Variants in DCC observed in about 807,000 individuals in gnomAD.
DCC encodes the protein DCC netrin 1 receptor, also known as netrin receptor DCC.
DCC carries 58 observed loss-of-function variants against 172.5 expected under a neutral mutation model. That is an observed-to-expected ratio of 0.34 (90% confidence interval 0.27 to 0.42). The LOEUF (loss-of-function observed/expected upper bound fraction) is 0.42. Ranked by LOEUF, DCC falls within the 10% of genes least tolerant of loss-of-function variation. DCC has a pLI of 1.00. For missense variants in DCC, 1,740 were observed against 1,791.0 expected, an observed-to-expected ratio of 0.97 and a Z score of 0.51; for synonymous variants, 709 against 644.5, an observed-to-expected ratio of 1.10 and a Z score of -1.52.
chr18:52,607,713 C>G (rs2034166203), intron 1 of DCC, among the ~76,000 whole-genome samples: 1 of 152,146 alleles, frequency 6.6e-6, no homozygotes, highest in Non-Finnish European at 1.5e-5. Context: ...AAATATCCAT[C>G]TCTTAAGAAG....
At chr18:52,727,664 A>C (rs2036571562) in intron 1 of DCC, among the ~76,000 whole-genome samples, 2 of 152,208 alleles carry the variant, frequency 1.3e-5, no homozygotes, top group African/African-American at 4.8e-5. Context: ...TGCAAAATCC[A>C]GTGAATCAAA....
chr18:52,695,258 A>C (rs542770802), intron 1 of DCC, among the ~76,000 whole-genome samples: 4 of 152,200 alleles, frequency 2.6e-5, no homozygotes, highest in South Asian at 2.1e-4. Flanking sequence ...AAAAATAATT[A>C]CTTTGTATTA....
At chr18:53,254,633 C>A (rs1017728089) in intron 12 of DCC, among the ~76,000 whole-genome samples, 1 of 151,996 alleles carries the variant, frequency 6.6e-6, no homozygotes, top group African/African-American at 2.4e-5. Flanking sequence ...CCATCACACC[C>A]AGTTCTATTC....
chr18:52,954,551 C>G (rs1196116656), intron 5 of DCC, among the ~76,000 whole-genome samples: 1 of 152,080 alleles, frequency 6.6e-6, no homozygotes, highest in Non-Finnish European at 1.5e-5. Flanking sequence ...GGAATACCCT[C>G]AGAGAAGCGT....
intron 2 of DCC, among the ~76,000 whole-genome samples, chr18:52,862,002 T>C (rs2039151013): frequency 6.6e-6 from 1 of 152,218 alleles, no homozygotes; most frequent in South Asian, 2.1e-4. Context: ...AACTTTGTTG[T>C]ATCATGGCAT....
rs867079920 is a variant in DCC at position 52,942,464 on chromosome 18, C to A, written c.985+17094C>A. Among the ~76,000 whole-genome samples, 3 of 152,122 alleles carry A rather than the reference C, an allele frequency of 2.0e-5. No homozygotes were observed. The Middle Eastern group carries it at 0.01, about 517-fold the overall frequency. ...GGGTGCCTCCTATGTTTGTTCATAT[C>A]TAACTATTTTCATGCTGCTGATAAA... On this transcript the variant is annotated intron_variant, in intron 5 of 28. Coordinates refer to ENST00000442544, the MANE Select transcript of DCC (RefSeq NM_005215.4).
chr18:52,540,423 A>G (rs2032405815), intron 1 of DCC, among the ~76,000 whole-genome samples: 1 of 151,866 alleles, frequency 6.6e-6, no homozygotes, highest in African/African-American at 2.4e-5. Flanking sequence ...CAAGACCCTG[A>G]CTCAAAAAAA....
intron 2 of DCC, among the ~76,000 whole-genome samples, chr18:52,778,689 C>A (rs2037478415): frequency 6.6e-6 from 1 of 151,986 alleles, no homozygotes; most frequent in African/African-American, 2.4e-5. Flanking sequence ...TTTTTCTTTT[C>A]TCGTCATTAA....
At chr18:52,790,240 A>G (rs1482670384) in intron 2 of DCC, among the ~76,000 whole-genome samples, 4 of 152,150 alleles carry the variant, frequency 2.6e-5, no homozygotes, top group African/African-American at 9.7e-5. Flanking sequence ...GGCTGGCATG[A>G]ACAGGAGGCT....
intron 5 of DCC, among the ~76,000 whole-genome samples, chr18:52,954,409 C>T (rs1366385547): frequency 6.6e-6 from 1 of 151,868 alleles, no homozygotes; most frequent in South Asian, 2.1e-4. Context: ...TACATATGTA[C>T]TCTAATTTAG....
chr18:53,030,657 G>C (rs1398001877), intron 5 of DCC, among the ~76,000 whole-genome samples: 1 of 152,094 alleles, frequency 6.6e-6, no homozygotes, highest in Non-Finnish European at 1.5e-5. Flanking sequence ...TTGAGGATTA[G>C]TGGATACCAC....
intron 12 of DCC, among the ~76,000 whole-genome samples, chr18:53,261,349 C>A (rs1008757484): frequency 2.6e-5 from 4 of 152,196 alleles, no homozygotes; most frequent in African/African-American, 4.8e-5. Flanking sequence ...TGGCTCCACA[C>A]CCTCGTGAGG....
chr18:52,543,829 A>C (rs1382517627), intron 1 of DCC, among the ~76,000 whole-genome samples: 1 of 152,206 alleles, frequency 6.6e-6, no homozygotes, highest in South Asian at 2.1e-4. Context: ...CATCCTGTTG[A>C]GGCACTTCCT....
intron 7 of DCC, among the ~76,000 whole-genome samples, chr18:53,121,737 T>A (rs889877494): frequency 3.3e-5 from 5 of 151,936 alleles, no homozygotes; most frequent in African/African-American, 1.2e-4. Context: ...TACATGTATT[T>A]TTTTAAATAT....
At chr18:53,206,493 A>G (rs914454221) in intron 10 of DCC, among the ~76,000 whole-genome samples, 4 of 140,954 alleles carry the variant, frequency 2.8e-5, no homozygotes, top group East Asian at 2.0e-4. Context: ...TATAATGTAT[A>G]TGTATTACAT....
At chr18:53,260,893 T>G (rs1423322277) in intron 12 of DCC, among the ~76,000 whole-genome samples, 1 of 152,078 alleles carries the variant, frequency 6.6e-6, no homozygotes, top group Non-Finnish European at 1.5e-5. Flanking sequence ...TACTCAAGCC[T>G]CAGCAATCGT....
intron 1 of DCC, among the ~76,000 whole-genome samples, chr18:52,474,210 G>GAGAGAGAC (rs1221950717): frequency 9.0e-4 from 39 of 43,248 alleles, no homozygotes; most frequent in East Asian, 2.3e-3. Context: ...CAGACCTAGA[G>GAGAGAGAC]AGAGAGAGAG....
At chr18:53,178,762 C>A (rs2055148409) in intron 8 of DCC, among the ~76,000 whole-genome samples, 200 bp from the exon 9 acceptor site, 1 of 152,106 alleles carries the variant, frequency 6.6e-6, no homozygotes, top group Non-Finnish European at 1.5e-5. Flanking sequence ...TCCCCAGAAT[C>A]CTTGCAACAT....
At chr18:53,173,532 C>T (rs184973296) in intron 8 of DCC, among the ~76,000 whole-genome samples, 4 of 151,988 alleles carry the variant, frequency 2.6e-5, no homozygotes, top group African/African-American at 9.7e-5. Flanking sequence ...TGCAATCCTA[C>T]TCTCTGATAA....
Sources: gnomAD v4.1 joint callset for allele counts (sites outside exome capture counted in the v4.1 genomes callset) on GRCh38, gnomAD v4.1.1 for gene constraint, MANE v1.5 for transcripts, NCBI Gene and HGNC (gene_info 2026-07-23, HGNC 2026-07-21) for gene names.